Variants in PRKD2 observed in about 807,000 individuals in gnomAD.
PRKD2 encodes the protein protein kinase D2, also known as serine/threonine-protein kinase D2.
PRKD2 carries 22 observed loss-of-function variants against 86.0 expected under a neutral mutation model. The ratio of observed to expected loss-of-function variants is 0.26; its 90% CI spans 0.18 to 0.37. The LOEUF (loss-of-function observed/expected upper bound fraction) is 0.37. Among genes scored for constraint, PRKD2 ranks in the 10% least tolerant of loss-of-function variants. The pLI is 1.00. For missense variants in PRKD2, 818 were observed against 1,199.2 expected (o/e 0.68, Z 4.70); for synonymous variants, 509 against 510.9 (o/e 1.00, Z 0.05).
chr19:46,698,615 C>T (rs1387765152), intron 7 of PRKD2, among the ~76,000 whole-genome samples: 2 of 152,322 alleles, frequency 1.3e-5, no homozygotes, highest in South Asian at 2.1e-4. Flanking sequence ...GGCCTCACCT[C>T]CCTCATTTGT....
intron 14 of PRKD2, among the ~76,000 whole-genome samples, chr19:46,684,274 T>C (rs1400653496): frequency 6.6e-6 from 1 of 152,092 alleles, no homozygotes; most frequent in Non-Finnish European, 1.5e-5. Flanking sequence ...CTCCTCATTC[T>C]ACAGACTGGG....
chr19:46,713,978 G>A lies in PRKD2; in HGVS notation c.264C>T (p.Gly88=), dbSNP rs1280610824. Residue 88 remains glycine (G), a synonymous_variant, in exon 2 of 18, where the codon GGC becomes GGT. Coordinates refer to ENST00000291281, the MANE Select transcript of PRKD2 (RefSeq NM_016457.5). Reference sequence around the variant, plus strand: ...TGAAAAGCAGGATCTTGTCGTAAAGGCCGTAGAAGCCACACTCAGGGAACT... The same window carrying A: ...TGAAAAGCAGGATCTTGTCGTAAAGACCGTAGAAGCCACACTCAGGGAACT... The part of the protein sequence containing the change: ...DQKFPECGFY[G]LYDKILLFKH... 6 of 1,613,492 alleles carry A rather than the reference G, an allele frequency of 3.7e-6. No individual in the cohort carries two copies. Among genetic ancestry groups the A allele is most frequent in the Non-Finnish European group, 5.1e-6 (6 of 1,179,868 alleles).
intron 3 of PRKD2, 74 bp downstream of exon 3, chr19:46,710,833 T>A (rs1266089592): frequency 3.0e-5 from 43 of 1,445,870 alleles, no homozygotes; most frequent in Non-Finnish European, 4.0e-5. Context: ...GCTGTCCCCG[T>A]GCCAGGACCA....
intron 14 of PRKD2, among the ~76,000 whole-genome samples, chr19:46,682,204 C>A (rs1161867510): frequency 6.6e-6 from 1 of 152,052 alleles, no homozygotes; most frequent in Admixed American, 6.6e-5. Context: ...GATGGGGTTT[C>A]ACCATGTTGG....
chr19:46,684,692 C>T (rs1315609537), intron 14 of PRKD2, among the ~76,000 whole-genome samples: 1 of 152,018 alleles, frequency 6.6e-6, no homozygotes, highest in Non-Finnish European at 1.5e-5. Context: ...AGGCCGGGCA[C>T]GGTGGCTTAC....
chr19:46,700,651 A>G (rs2053622205), intron 7 of PRKD2, 148 bp downstream of exon 7: 3 of 1,098,324 alleles, frequency 2.7e-6, no homozygotes. Context: ...TATTTAAAAA[A>G]AATTGTAGTG....
At chr19:46,682,846 A>G (rs888775410) in intron 14 of PRKD2, among the ~76,000 whole-genome samples, 2 of 151,444 alleles carry the variant, frequency 1.3e-5, no homozygotes, top group African/African-American at 2.4e-5. Flanking sequence ...CTGGGATTAT[A>G]GGCACACACC....
intron 3 of PRKD2, 124 bp from the exon 4 acceptor site, chr19:46,704,773 A>G: frequency 7.9e-7 from 1 of 1,266,718 alleles, no homozygotes; most frequent in Middle Eastern, 2.6e-4. Flanking sequence ...CGCCAGCACG[A>G]TCTCCTCCAA....
intron 14 of PRKD2, among the ~76,000 whole-genome samples, chr19:46,687,557 A>G (rs1289693197): frequency 1.3e-5 from 2 of 152,248 alleles, no homozygotes; most frequent in African/African-American, 4.8e-5. Flanking sequence ...TTCTTCAACC[A>G]TAAAAGGGGA....
At chr19:46,712,179 G>A (rs960547547) in intron 2 of PRKD2, among the ~76,000 whole-genome samples, 1 of 152,094 alleles carries the variant, frequency 6.6e-6, no homozygotes, top group Non-Finnish European at 1.5e-5. Context: ...GGGAGGTAGA[G>A]GCTGCAGTGA....
chr19:46,706,765 T>C (rs2053719612), intron 3 of PRKD2, among the ~76,000 whole-genome samples: 1 of 152,170 alleles, frequency 6.6e-6, no homozygotes, highest in Non-Finnish European at 1.5e-5. Flanking sequence ...GTGTGGACGA[T>C]GGCAATATTT....
intron 1 of PRKD2, among the ~76,000 whole-genome samples, chr19:46,715,849 C>T (rs1399140192): frequency 1.3e-5 from 2 of 151,992 alleles, no homozygotes; most frequent in Non-Finnish European, 2.9e-5. Flanking sequence ...CTCTCTACAC[C>T]TGGCTGGCCC....
intron 9 of PRKD2, 84 bp downstream of exon 9, chr19:46,697,073 G>A: frequency 9.0e-7 from 1 of 1,108,210 alleles, no homozygotes; most frequent in Non-Finnish European, 1.4e-6. Flanking sequence ...GGATCTGTCT[G>A]GAGTAACTGG....
At chr19:46,701,650 G>A (rs1428883515) in intron 5 of PRKD2, among the ~76,000 whole-genome samples, 1 of 146,770 alleles carries the variant, frequency 6.8e-6, no homozygotes, top group South Asian at 2.2e-4. Flanking sequence ...CACCGCGCCC[G>A]ACTTGTGTGT....
At chr19:46,695,732 A>G (rs1191445298) in intron 9 of PRKD2, among the ~76,000 whole-genome samples, 1 of 152,196 alleles carries the variant, frequency 6.6e-6, no homozygotes, top group Non-Finnish European at 1.5e-5. Context: ...CAAAAGAGGA[A>G]GGAGGGAGGT....
chr19:46,708,618 T>C (rs964746425), intron 3 of PRKD2, among the ~76,000 whole-genome samples: 1 of 152,046 alleles, frequency 6.6e-6, no homozygotes, highest in African/African-American at 2.4e-5. Flanking sequence ...GCCTTCCTTA[T>C]AAAGGGAAGA....
At chr19:46,709,124 A>ATGCCACCACGCCCGC (rs1025550764) in intron 3 of PRKD2, among the ~76,000 whole-genome samples, 2 of 151,762 alleles carry the variant, frequency 1.3e-5, no homozygotes, top group Non-Finnish European at 2.9e-5. Flanking sequence ...CTATAGGCAC[A>ATGCCACCACGCCCGC]TGCCACCACG....
In PRKD2 at chr19:46,700,734, A is replaced by G. The variant is rs2053623171; in HGVS notation, c.1121+65T>C. 3.4e-5 allele frequency: 53 copies of G among 1,552,690 alleles called. 1 individual carries two copies. In the South Asian group the frequency reaches 5.2e-4, roughly 15 times the overall value. ...TGATGTCAGCCCATTGTAGAGAAAA[A>G]GAAATTGAGGTTCACTGTGCAGGAG... On this transcript the variant is annotated intron_variant, in intron 7 of 17. Coordinates refer to ENST00000291281, the MANE Select transcript of PRKD2 (RefSeq NM_016457.5).
At chr19:46,684,920 G>A (rs138001151) in intron 14 of PRKD2, among the ~76,000 whole-genome samples, 13 of 138,506 alleles carry the variant, frequency 9.4e-5, no homozygotes, top group African/African-American at 3.3e-4. Context: ...CTGAGATAGC[G>A]CCACTGCACT....
Sources: gnomAD v4.1 joint callset for allele counts (sites outside exome capture counted in the v4.1 genomes callset) on GRCh38, gnomAD v4.1.1 for gene constraint, MANE v1.5 for transcripts, NCBI Gene and HGNC (gene_info 2026-07-23, HGNC 2026-07-21) for gene names.